Variants in SAMD5 observed in about 807,000 individuals in gnomAD.
The protein encoded by SAMD5 is sterile alpha motif domain containing 5, also known as sterile alpha motif domain-containing protein 5.
SAMD5 carries 13 observed loss-of-function variants against 11.3 expected under a neutral mutation model. The ratio of observed to expected loss-of-function variants is 1.15; its 90% CI spans 0.75 to 1.83. SAMD5 has a LOEUF of 1.83. Ranked by LOEUF, SAMD5 falls within the 40% of genes most tolerant of loss-of-function variation. SAMD5 has a pLI of 0.00. For missense variants in SAMD5, 255 were observed against 239.1 expected (o/e 1.07, Z -0.44); for synonymous variants, 129 against 111.3 (o/e 1.16, Z -1.00).
At chr6:147,564,136 A>G (rs1788997426) in intron 1 of SAMD5, among the ~76,000 whole-genome samples, 1 of 152,204 alleles carries the variant, frequency 6.6e-6, no homozygotes, top group East Asian at 1.9e-4. Context: ...CTTAGAAGGA[A>G]CATAAAAGGA....
At chr6:147,738,604 AT>A (rs1229813669), downstream of SAMD5, among the ~76,000 whole-genome samples, 1 of 152,178 alleles carries the variant, frequency 6.6e-6, no homozygotes, top group Admixed American at 6.5e-5. Flanking sequence ...AGTTTTGAAT[AT>A]TTTCATAGCA....
At chr6:147,802,582 A>G in the SAMD5 span, among the ~76,000 whole-genome samples, 7,091 of 152,314 alleles carry the variant, frequency 0.047, 276 homozygotes, top group Admixed American at 0.093. Flanking sequence ...AGGACAGCGT[A>G]TGTTCACAGA....
chr6:147,784,872 A>G, the SAMD5 span, among the ~76,000 whole-genome samples: 2 of 152,244 alleles, frequency 1.3e-5, no homozygotes, highest in African/African-American at 4.8e-5. Context: ...CTGTAATTAC[A>G]AACCTCTTCT....
chr6:147,944,429 A>T, the SAMD5 span, among the ~76,000 whole-genome samples: 1 of 152,120 alleles, frequency 6.6e-6, no homozygotes, highest in Non-Finnish European at 1.5e-5. Flanking sequence ...ATACCATCAG[A>T]TCTCATGACA....
intron 1 of SAMD5, among the ~76,000 whole-genome samples, chr6:147,639,397 GA>G (rs1790277414): frequency 6.6e-6 from 1 of 152,202 alleles, no homozygotes; most frequent in African/African-American, 2.4e-5. Context: ...TTATGCATGT[GA>G]ATGGTATTTT....
intron 1 of SAMD5, among the ~76,000 whole-genome samples, chr6:147,513,105 C>G (rs1264910243): frequency 6.6e-6 from 1 of 152,150 alleles, no homozygotes; most frequent in East Asian, 1.9e-4. Context: ...GCAAGGAATT[C>G]TGTCTGGTTA....
chr6:147,812,998 T>G, the SAMD5 span, among the ~76,000 whole-genome samples: 1 of 152,256 alleles, frequency 6.6e-6, no homozygotes, highest in African/African-American at 2.4e-5. Flanking sequence ...TGCAGTATTG[T>G]TATTGCATCA....
At chr6:147,744,531 A>C in the SAMD5 span, among the ~76,000 whole-genome samples, 1 of 152,196 alleles carries the variant, frequency 6.6e-6, no homozygotes, top group Non-Finnish European at 1.5e-5. Context: ...CGGTGAAAAC[A>C]AATGACCTAG....
At chr6:147,627,104 GA>G (rs1790067355) in intron 1 of SAMD5, among the ~76,000 whole-genome samples, 1 of 152,184 alleles carries the variant, frequency 6.6e-6, no homozygotes, top group South Asian at 2.1e-4. Flanking sequence ...TTTGATGTTG[GA>G]AATAACCTGA....
chr6:147,691,056 A>G (rs1367884746), intron 1 of SAMD5, among the ~76,000 whole-genome samples: 1 of 149,836 alleles, frequency 6.7e-6, no homozygotes, highest in East Asian at 2.0e-4. Context: ...GTGCAATGGC[A>G]CAACCTTAGC....
chr6:147,836,003 A>G, the SAMD5 span, among the ~76,000 whole-genome samples: 7 of 152,182 alleles, frequency 4.6e-5, no homozygotes, highest in Non-Finnish European at 7.4e-5. Flanking sequence ...CCTCTTGATT[A>G]CCTGTGTGAA....
intron 1 of SAMD5, among the ~76,000 whole-genome samples, chr6:147,733,312 TTGGGTAGTGTATTTG>T (rs897223435): frequency 6.6e-6 from 1 of 152,220 alleles, no homozygotes; most frequent in Non-Finnish European, 1.5e-5. Context: ...AGGATTTTAC[TTGGGTAGTGTATTTG>T]TGTGATTTAT....
At chr6:147,678,745 T>C (rs993505586) in intron 1 of SAMD5, among the ~76,000 whole-genome samples, 5 of 152,206 alleles carry the variant, frequency 3.3e-5, no homozygotes, top group Non-Finnish European at 7.4e-5. Flanking sequence ...GTTTTCTCAC[T>C]GTGTTACTTT....
At chr6:147,877,947 A>ATTTTTTTTTTCTTTTTGAGACAGAGT in the SAMD5 span, among the ~76,000 whole-genome samples, 1 of 69,344 alleles carries the variant, frequency 1.4e-5, no homozygotes, top group South Asian at 3.9e-4. Flanking sequence ...AGATAGATAG[A>ATTTTTTTTTTCTTTTTGAGACAGAGT]CTCTGTCACT....
chr6:147,622,227 A>C (rs1350687504), intron 1 of SAMD5, among the ~76,000 whole-genome samples: 2 of 152,194 alleles, frequency 1.3e-5, no homozygotes, highest in African/African-American at 4.8e-5. Context: ...ATACAATGGC[A>C]TCGTATTTCC....
chr6:147,509,267 C>T lies in SAMD5; in HGVS notation c.339C>T (p.His113=). 3 of 1,550,258 alleles carry T rather than the reference C, an allele frequency of 1.9e-6. No individual in the cohort carries two copies. The highest frequency in any genetic ancestry group is 2.6e-6 in the Non-Finnish European group (3 of 1,151,744). Residue 113 remains histidine (H), a synonymous_variant, in exon 1 of 2, where the codon CAC becomes CAT. Coordinates refer to ENST00000367474, the MANE Select transcript of SAMD5 (RefSeq NM_001030060.3). ...GCACCCGCGGGGACTCTCGCGGCCA[C>T]ACGACCGCCCCCCGCAGCAGGGAGC... is the stretch of plus-strand genomic sequence containing the variant. The part of the protein sequence containing the change: ...AQGTRGDSRG[H]TTAPRSRELV...
At chr6:147,694,942 T>C (rs1023366396) in intron 1 of SAMD5, among the ~76,000 whole-genome samples, 2 of 152,220 alleles carry the variant, frequency 1.3e-5, no homozygotes, top group Non-Finnish European at 2.9e-5. Context: ...ATATATTTGA[T>C]AATCTGGAAA....
rs9403868 is a variant in SAMD5 at position 147,620,621 on chromosome 6, C to T, written c.162+111234C>T. ...GGGAGAAAACACTTCTAGAAGGACC[C>T]GGAGTGATTTCGTGAAGGATACTGT... On this transcript the variant is annotated intron_variant, in intron 1 of 1. Coordinates refer to the SAMD5 transcript ENST00000566741. Among the ~76,000 whole-genome samples, 1,210 of 152,242 alleles carry T rather than the reference C, an allele frequency of 7.9e-3. 52 individuals carry two copies. Among genetic ancestry groups the T allele is most frequent in the Admixed American group, 0.064 (974 of 15,294 alleles).
At position 147,542,317 on chromosome 6, in the gene SAMD5, C is replaced by T. The variant is rs182563599; in HGVS notation, c.460-22077C>T. The stretch of plus-strand genomic sequence containing the variant: ...GGGCAGGTAGCCACAAGGACAATCC[C>T]GGACAAGCCCCCAAATTTGTAACCA... On this transcript the variant is annotated intron_variant, in intron 1 of 1. Coordinates refer to ENST00000367474, the MANE Select transcript of SAMD5 (RefSeq NM_001030060.3). 1.9e-4 allele frequency among the ~76,000 whole-genome samples: 29 copies of T among 152,248 alleles called. No homozygotes were observed. In the East Asian group the frequency reaches 3.7e-3, roughly 19 times the overall value.
Sources: allele counts gnomAD v4.1 joint callset (sites outside exome capture counted in the v4.1 genomes callset), GRCh38; gene constraint gnomAD v4.1.1; transcripts MANE v1.5; gene names NCBI Gene and HGNC (gene_info 2026-07-23, HGNC 2026-07-21).